The following SCHIP1 variants were observed in gnomAD, a reference collection of about 807,000 sequenced individuals.
The protein encoded by SCHIP1 is schwannomin interacting protein 1, also known as schwannomin-interacting protein 1.
A neutral mutation model predicts 29.7 loss-of-function variants in SCHIP1; 8 were observed. The ratio of observed to expected loss-of-function variants is 0.27; its 90% CI spans 0.16 to 0.49. The LOEUF is 0.49. Among genes scored for constraint, SCHIP1 ranks in the 20% least tolerant of loss-of-function variants. The probability of loss-of-function intolerance (pLI) is 0.99; values close to 1 mark genes in which losing one functional copy is unlikely to be tolerated. For synonymous variants in SCHIP1, 76 were observed against 94.9 expected, an observed-to-expected ratio of 0.80 and a Z score of 1.16; for missense variants, 193 against 294.6, an observed-to-expected ratio of 0.66 and a Z score of 2.52.
chr3:159,622,517 G>T, the SCHIP1 span, among the ~76,000 whole-genome samples: 1 of 152,136 alleles, frequency 6.6e-6, no homozygotes, highest in African/African-American at 2.4e-5. Flanking sequence ...TCTCAAGATC[G>T]TAAGGACCTT....
the SCHIP1 span, among the ~76,000 whole-genome samples, chr3:159,638,696 A>G: frequency 6.6e-6 from 1 of 151,630 alleles, no homozygotes; most frequent in East Asian, 1.9e-4. Context: ...AGCCTGTCCC[A>G]CTTAGTCTCT....
At chr3:159,356,538 G>T in the SCHIP1 span, among the ~76,000 whole-genome samples, 1 of 151,972 alleles carries the variant, frequency 6.6e-6, no homozygotes, top group Non-Finnish European at 1.5e-5. Context: ...TGTTGTTAGC[G>T]TCTAAATTAC....
At chr3:159,374,526 G>A in the SCHIP1 span, among the ~76,000 whole-genome samples, 1 of 152,054 alleles carries the variant, frequency 6.6e-6, no homozygotes, top group Non-Finnish European at 1.5e-5. Flanking sequence ...GCAGGCAGAA[G>A]CACAGTAAGG....
At chr3:159,605,152 A>C in the SCHIP1 span, among the ~76,000 whole-genome samples, 1 of 152,236 alleles carries the variant, frequency 6.6e-6, no homozygotes, top group Non-Finnish European at 1.5e-5. Context: ...CCTGTAGTTC[A>C]TAATCAGAGA....
chr3:159,542,989 G>A, the SCHIP1 span, among the ~76,000 whole-genome samples: 5 of 151,762 alleles, frequency 3.3e-5, 1 homozygote, highest in Middle Eastern at 6.8e-3. Context: ...TATTCCAAGC[G>A]CCAGGAACTA....
the SCHIP1 span, among the ~76,000 whole-genome samples, chr3:159,731,635 C>T: frequency 5.9e-5 from 9 of 152,352 alleles, no homozygotes; most frequent in South Asian, 1.9e-3. Flanking sequence ...TCAGTCTTCT[C>T]TCTTTTGTCT....
At chr3:159,350,374 A>T in the SCHIP1 span, among the ~76,000 whole-genome samples, 1 of 152,168 alleles carries the variant, frequency 6.6e-6, no homozygotes, top group Non-Finnish European at 1.5e-5. Context: ...GAAAATTTTT[A>T]TGCAAAAAAT....
the SCHIP1 span, among the ~76,000 whole-genome samples, chr3:159,346,156 C>A: frequency 6.7e-6 from 1 of 149,982 alleles, no homozygotes; most frequent in Non-Finnish European, 1.5e-5. Context: ...CCACTGCACT[C>A]CAGCCTGGGC....
the SCHIP1 span, among the ~76,000 whole-genome samples, chr3:159,771,230 C>T: frequency 6.6e-6 from 1 of 152,210 alleles, no homozygotes; most frequent in Non-Finnish European, 1.5e-5. Flanking sequence ...TGACACACTA[C>T]TAAAGTAGCT....
At chr3:159,323,380 G>C in the SCHIP1 span, among the ~76,000 whole-genome samples, 1 of 152,172 alleles carries the variant, frequency 6.6e-6, no homozygotes, top group African/African-American at 2.4e-5. Flanking sequence ...TTAGAGATAT[G>C]TAGGCATCTA....
At chr3:159,491,988 AG>A in the SCHIP1 span, among the ~76,000 whole-genome samples, 12 of 152,218 alleles carry the variant, frequency 7.9e-5, no homozygotes, top group African/African-American at 2.7e-4. Flanking sequence ...CCAGGCAAAC[AG>A]GGTCTGGAGT....
At chr3:159,893,417 T>A (rs1717739089) in intron 6 of SCHIP1, 1 of 152,206 alleles carries the variant, frequency 6.6e-6, no homozygotes, top group Non-Finnish European at 1.5e-5. Context: ...CCAGCAATTA[T>A]AAAACATCCC....
chr3:159,451,050 C>T, the SCHIP1 span, among the ~76,000 whole-genome samples: 8 of 152,166 alleles, frequency 5.3e-5, no homozygotes, highest in East Asian at 5.8e-4. Context: ...CCTCGTGATC[C>T]GCCTGCCTCG....
the SCHIP1 span, among the ~76,000 whole-genome samples, chr3:159,305,479 T>G: frequency 6.6e-6 from 1 of 152,216 alleles, no homozygotes; most frequent in African/African-American, 2.4e-5. Context: ...TCAGAGAAAG[T>G]ATTGCTCCTT....
chr3:159,736,945 A>G, the SCHIP1 span, among the ~76,000 whole-genome samples: 2 of 151,942 alleles, frequency 1.3e-5, no homozygotes, highest in Non-Finnish European at 2.9e-5. Context: ...CATGTTAGCC[A>G]GGATGGTCTC....
At chr3:159,737,334 C>G in the SCHIP1 span, among the ~76,000 whole-genome samples, 1 of 152,280 alleles carries the variant, frequency 6.6e-6, no homozygotes, top group East Asian at 1.9e-4. Context: ...TTGCCAGTCT[C>G]TATCCCCAGA....
exon 7 of SCHIP1, chr3:159,896,809 T>A (rs533491349): frequency 6.3e-7 from 1 of 1,584,206 alleles, no homozygotes. Flanking sequence ...AAGCTAGAAT[T>A]TATTTTGCTT....
chr3:159,628,261 G>A, the SCHIP1 span, among the ~76,000 whole-genome samples: 1 of 152,172 alleles, frequency 6.6e-6, no homozygotes, highest in Non-Finnish European at 1.5e-5. Context: ...AACTTACAAA[G>A]CTTGGAACGA....
the SCHIP1 span, among the ~76,000 whole-genome samples, chr3:159,362,696 G>T: frequency 6.6e-6 from 1 of 152,132 alleles, no homozygotes; most frequent in Non-Finnish European, 1.5e-5. Flanking sequence ...TACAGGCCAG[G>T]ATTTCCCCCC....
Sources: gnomAD v4.1 joint callset for allele counts (sites outside exome capture counted in the v4.1 genomes callset) on GRCh38, gnomAD v4.1.1 for gene constraint, MANE v1.5 for transcripts, NCBI Gene and HGNC (gene_info 2026-07-23, HGNC 2026-07-21) for gene names.